TMEM178B: variants seen among roughly 807,000 people sequenced by gnomAD.
TMEM178B encodes transmembrane protein 178B.
TMEM178B carries 5 observed loss-of-function variants against 31.0 expected under a neutral mutation model. The observed-to-expected ratio is 0.16, with a 90% CI of 0.08 to 0.34. The LOEUF (loss-of-function observed/expected upper bound fraction) is 0.34. Among genes scored for constraint, TMEM178B ranks in the 10% least tolerant of loss-of-function variants. The probability of loss-of-function intolerance (pLI) is 1.00; values close to 1 mark genes in which losing one functional copy is unlikely to be tolerated. For synonymous variants in TMEM178B, 164 were observed against 164.0 expected (o/e 1.00, Z 0.00); for missense variants, 275 against 400.3 (o/e 0.69, Z 2.67).
chr7:141,276,630 G>A (rs1048789181), intron 2 of TMEM178B, among the ~76,000 whole-genome samples: 7 of 152,000 alleles, frequency 4.6e-5, no homozygotes, highest in Non-Finnish European at 7.4e-5. Flanking sequence ...CTCCCACCAG[G>A]TCCCTCCCAT....
chr7:141,230,096 C>T (rs565321994), intron 2 of TMEM178B, among the ~76,000 whole-genome samples: 16 of 152,242 alleles, frequency 1.1e-4, no homozygotes, highest in African/African-American at 3.9e-4. Context: ...ACATAATTTA[C>T]TTAACCTTTC....
intron 2 of TMEM178B, among the ~76,000 whole-genome samples, chr7:141,284,073 C>T (rs1798405835): frequency 6.6e-6 from 1 of 152,182 alleles, no homozygotes; most frequent in Non-Finnish European, 1.5e-5. Flanking sequence ...GTGTTCTGGG[C>T]ACAGTGCAAT....
intron 1 of TMEM178B, among the ~76,000 whole-genome samples, chr7:141,149,912 A>C (rs1795937582): frequency 6.6e-6 from 1 of 152,182 alleles, no homozygotes; most frequent in African/African-American, 2.4e-5. Context: ...GTTTGTTATG[A>C]CAACCCTAGA....
chr7:141,228,040 A>G (rs73737728), intron 2 of TMEM178B, among the ~76,000 whole-genome samples: 2,929 of 135,020 alleles, frequency 0.022, 94 homozygotes, highest in African/African-American at 0.082. Context: ...AGGTGTGTGT[A>G]CACACACACA....
chr7:141,488,492 T>C, the TMEM178B span, among the ~76,000 whole-genome samples: 3 of 152,072 alleles, frequency 2.0e-5, no homozygotes, highest in African/African-American at 7.2e-5. Context: ...CAGACTGGAG[T>C]GCAGTGGTGC....
the TMEM178B span, among the ~76,000 whole-genome samples, chr7:141,510,709 A>AAAAG: frequency 1.5e-5 from 2 of 135,046 alleles, no homozygotes; most frequent in Admixed American, 7.0e-5. Context: ...AAAAAAAAAA[A>AAAAG]AAAGAAAAAA....
At chr7:141,510,681 G>A in the TMEM178B span, among the ~76,000 whole-genome samples, 7 of 14,994 alleles carry the variant, frequency 4.7e-4, no homozygotes, top group Non-Finnish European at 1.5e-3. Flanking sequence ...GTGAAACTCC[G>A]TCTCAAAAAA....
intron 2 of TMEM178B, among the ~76,000 whole-genome samples, chr7:141,260,726 T>A (rs1401983444): frequency 6.6e-6 from 1 of 152,160 alleles, no homozygotes; most frequent in African/African-American, 2.4e-5. Flanking sequence ...GTAAGTAATT[T>A]AAAAAAACAT....
intron 3 of TMEM178B, among the ~76,000 whole-genome samples, chr7:141,452,526 T>G (rs796447497): frequency 1.6e-4 from 24 of 152,344 alleles, no homozygotes; most frequent in African/African-American, 5.3e-4. Context: ...GCAATATTGT[T>G]TGCAGCTCAT....
At chr7:141,269,463 CT>C (rs1287694415) in intron 2 of TMEM178B, among the ~76,000 whole-genome samples, 1 of 152,154 alleles carries the variant, frequency 6.6e-6, no homozygotes, top group African/African-American at 2.4e-5. Context: ...GTAAAAAAGA[CT>C]TTATTCACAT....
At chr7:141,197,477 G>A (rs1221776034) in intron 1 of TMEM178B, among the ~76,000 whole-genome samples, 2 of 152,192 alleles carry the variant, frequency 1.3e-5, no homozygotes, top group African/African-American at 4.8e-5. Context: ...GTCAGGATAA[G>A]TTAACCCTTT....
intron 2 of TMEM178B, among the ~76,000 whole-genome samples, chr7:141,226,703 A>G (rs1797347012): frequency 6.6e-6 from 1 of 151,808 alleles, no homozygotes; most frequent in South Asian, 2.1e-4. Flanking sequence ...ACAAAACAAA[A>G]CAAAAATTAG....
intron 2 of TMEM178B, among the ~76,000 whole-genome samples, chr7:141,370,947 G>A (rs528551390): frequency 1.3e-5 from 2 of 152,196 alleles, no homozygotes; most frequent in Non-Finnish European, 2.9e-5. Flanking sequence ...CGGTTACCAG[G>A]TTCAGGGGAT....
At chr7:141,124,444 GA>G (rs1322425639) in intron 1 of TMEM178B, among the ~76,000 whole-genome samples, 2 of 152,198 alleles carry the variant, frequency 1.3e-5, no homozygotes, top group African/African-American at 4.8e-5. Flanking sequence ...ATCTGGTAAT[GA>G]ATATCAAACA....
chr7:141,371,296 T>TA (rs142586154), intron 2 of TMEM178B, among the ~76,000 whole-genome samples: 13,923 of 147,388 alleles, frequency 0.094, 686 homozygotes, highest in East Asian at 0.2. Context: ...AGCTGGTTGG[T>TA]AAAAAAAAAA....
chr7:141,280,793 C>G (rs899212439), intron 2 of TMEM178B, among the ~76,000 whole-genome samples: 1 of 151,696 alleles, frequency 6.6e-6, no homozygotes, highest in Non-Finnish European at 1.5e-5. Flanking sequence ...CTGGAACTGG[C>G]ATTTGTGCCC....
intron 3 of TMEM178B, among the ~76,000 whole-genome samples, chr7:141,468,290 T>G (rs1802180437): frequency 6.6e-6 from 1 of 152,172 alleles, no homozygotes; most frequent in South Asian, 2.1e-4. Context: ...AACCAGAAAC[T>G]GTGGGTGTGG....
chr7:141,425,144 A>C (rs954977555), intron 2 of TMEM178B, among the ~76,000 whole-genome samples: 30 of 152,192 alleles, frequency 2.0e-4, no homozygotes, highest in African/African-American at 7.0e-4. Flanking sequence ...GCACTTAGTA[A>C]ATGCATAATC....
rs181554816 is a variant in TMEM178B, at chr7:141,401,869, G to A, written c.497-35739G>A. Among the ~76,000 whole-genome samples, 25 of 152,148 alleles carry A rather than the reference G, an allele frequency of 1.6e-4. 1 individual carries two copies. The highest frequency in any genetic ancestry group is 5.8e-4 in the African/African-American group (24 of 41,504). ...TAATCAATAGTAAATAGCAAAAATC[G>A]AACCAACGTGCACTCCCCTAAAACA... On this transcript the variant is annotated intron_variant, in intron 2 of 3. Coordinates refer to ENST00000565468, the MANE Select transcript of TMEM178B (RefSeq NM_001195278.2).
Sources: gnomAD v4.1 joint callset for allele counts (sites outside exome capture counted in the v4.1 genomes callset) on GRCh38, gnomAD v4.1.1 for gene constraint, MANE v1.5 for transcripts, NCBI Gene and HGNC (gene_info 2026-07-23, HGNC 2026-07-21) for gene names.